TNFAIP8: variants seen among roughly 807,000 people sequenced by gnomAD.
TNFAIP8 encodes TNF alpha induced protein 8.
TNFAIP8 carries 7 observed loss-of-function variants against 13.3 expected under a neutral mutation model. The observed-to-expected ratio is 0.52, with a 90% CI of 0.30 to 0.99. The LOEUF (loss-of-function observed/expected upper bound fraction) is 0.99. Among genes scored for constraint, TNFAIP8 ranks in the 50% least tolerant of loss-of-function variants. TNFAIP8 has a pLI of 0.07. For synonymous variants in TNFAIP8, 94 were observed against 87.6 expected (o/e 1.07, Z -0.41); for missense variants, 258 against 236.9 (o/e 1.09, Z -0.58).
chr5:119,376,714 A>G (rs1752296266), intron 1 of TNFAIP8, among the ~76,000 whole-genome samples: 1 of 152,152 alleles, frequency 6.6e-6, no homozygotes, highest in Admixed American at 6.5e-5. Flanking sequence ...TACGGAAACA[A>G]AAGTATGATA....
chr5:119,303,051 T>G (rs2112655787), intron 1 of TNFAIP8, among the ~76,000 whole-genome samples: 1 of 152,236 alleles, frequency 6.6e-6, no homozygotes, highest in Admixed American at 6.5e-5. Context: ...TCCTCCCTGT[T>G]AGAAAGACTC....
chr5:119,344,333 A>G (rs1041955702), intron 1 of TNFAIP8, among the ~76,000 whole-genome samples: 7 of 152,178 alleles, frequency 4.6e-5, no homozygotes, highest in African/African-American at 1.7e-4. Flanking sequence ...GCATGAACTC[A>G]TAGAGCAAGG....
Position 119,393,336 on chromosome 5 carries a change from A to G in TNFAIP8, c.552A>G (p.Lys184=). 6.2e-7 allele frequency: 1 copy of G among 1,614,004 alleles called. No homozygotes were observed. Among genetic ancestry groups the G allele is most frequent in the Non-Finnish European group, 8.5e-7 (1 of 1,179,876 alleles). ...GGAATTTTAAACCCCACTTACAAAA[A>G]CTATGTGATGGTATCAACAAAATGT... ...PFGNFKPHLQ[K]LCDGINKMLD... The change falls in exon 2 of 2, where the codon AAA becomes AAG. Residue 184 remains lysine (K), a synonymous_variant. Transcript: ENST00000504771.
At chr5:119,338,779 TGG>T (rs1750641437) in intron 1 of TNFAIP8, among the ~76,000 whole-genome samples, 1 of 152,240 alleles carries the variant, frequency 6.6e-6, no homozygotes, top group African/African-American at 2.4e-5. Context: ...ATTTTTTTGT[TGG>T]CTCACATAAC....
intron 1 of TNFAIP8, among the ~76,000 whole-genome samples, chr5:119,361,943 A>C (rs1751651261): frequency 6.6e-6 from 1 of 152,074 alleles, no homozygotes; most frequent in Non-Finnish European, 1.5e-5. Flanking sequence ...CTGAGATAGC[A>C]CCTCCTCTGC....
intron 1 of TNFAIP8, among the ~76,000 whole-genome samples, chr5:119,331,148 C>T (rs1750365172): frequency 3.3e-5 from 5 of 152,108 alleles, no homozygotes; most frequent in Admixed American, 3.3e-4. Flanking sequence ...ATGTTGATCC[C>T]TGAACCTACC....
intron 1 of TNFAIP8, among the ~76,000 whole-genome samples, chr5:119,366,941 A>T (rs1461866079): frequency 3.3e-5 from 5 of 152,082 alleles, no homozygotes; most frequent in African/African-American, 1.2e-4. Flanking sequence ...ATGGGGAGGG[A>T]CATGAGGGAG....
chr5:119,292,099 A>T (rs1287450136), intron 1 of TNFAIP8, among the ~76,000 whole-genome samples: 1 of 152,198 alleles, frequency 6.6e-6, no homozygotes, highest in African/African-American at 2.4e-5. Context: ...AGAGTTCCCC[A>T]GTTCCCCAGA....
intron 1 of TNFAIP8, among the ~76,000 whole-genome samples, chr5:119,319,722 C>CTT (rs1227450694): frequency 6.6e-6 from 1 of 152,166 alleles, no homozygotes; most frequent in Non-Finnish European, 1.5e-5. Context: ...TTCTATTATG[C>CTT]TTGACAGTAC....
intron 1 of TNFAIP8, among the ~76,000 whole-genome samples, chr5:119,368,430 C>CGTGTGTGTGTGTGTGT (rs376615641): frequency 2.6e-4 from 34 of 133,086 alleles, no homozygotes; most frequent in Non-Finnish European, 5.0e-4. Context: ...TTCTAAGCAG[C>CGTGTGTGTGTGTGTGT]GTGTGTGTGT....
At chr5:119,330,998 T>C (rs1750359170) in intron 1 of TNFAIP8, among the ~76,000 whole-genome samples, 1 of 151,886 alleles carries the variant, frequency 6.6e-6, no homozygotes, top group South Asian at 2.1e-4. Flanking sequence ...CACAAATTGC[T>C]TTCACGAAGC....
intron 1 of TNFAIP8, chr5:119,306,273 C>T (rs935959015): frequency 6.6e-6 from 1 of 151,538 alleles, no homozygotes; most frequent in African/African-American, 2.4e-5. Flanking sequence ...TTCTTTGATC[C>T]TTGCTTTGCT....
intron 1 of TNFAIP8, among the ~76,000 whole-genome samples, chr5:119,297,969 C>G (rs1346756908): frequency 1.3e-5 from 2 of 152,270 alleles, no homozygotes; most frequent in Non-Finnish European, 2.9e-5. Context: ...GTAGATCTTC[C>G]TCCATCCTTT....
chr5:119,353,203 A>G (rs1751241662), upstream of TNFAIP8, among the ~76,000 whole-genome samples: 1 of 152,258 alleles, frequency 6.6e-6, no homozygotes, highest in African/African-American at 2.4e-5. Flanking sequence ...AAGAATCAAC[A>G]AGTCCCACCT....
At chr5:119,293,129 T>C (rs1170472625) in intron 1 of TNFAIP8, among the ~76,000 whole-genome samples, 1 of 152,174 alleles carries the variant, frequency 6.6e-6, no homozygotes, top group Non-Finnish European at 1.5e-5. Flanking sequence ...ATTTTTGATA[T>C]ATATGCATGT....
At position 119,345,494 on chromosome 5, in the gene TNFAIP8, T is replaced by C. The variant is rs116599810; in HGVS notation, c.2-47322T>C. On this transcript the variant is annotated intron_variant, in intron 1 of 1. Coordinates refer to the TNFAIP8 transcript ENST00000274456. Reference sequence around the variant, plus strand: ...AAGGATGTATAAACAAAATGTGATATACACATACAATGGAATATCACCCAG... The same window carrying C: ...AAGGATGTATAAACAAAATGTGATACACACATACAATGGAATATCACCCAG... Among the ~76,000 whole-genome samples the C allele has an allele frequency of 4.3e-3, 657 of 152,264 alleles. 8 individuals are homozygous for C. The highest frequency in any genetic ancestry group is 0.014 in the African/African-American group (601 of 41,542).
At chr5:119,322,989 G>A (rs62375111) in intron 1 of TNFAIP8, among the ~76,000 whole-genome samples, 31,541 of 152,118 alleles carry the variant, frequency 0.21, 3,990 homozygotes, top group Non-Finnish European at 0.28. Context: ...TAACTATCTC[G>A]AAACTTGGAA....
intron 1 of TNFAIP8, among the ~76,000 whole-genome samples, chr5:119,324,442 T>C (rs994407497): frequency 5.3e-5 from 8 of 152,090 alleles, no homozygotes; most frequent in African/African-American, 1.9e-4. Context: ...CAGAGGGGCC[T>C]CCAGTCACTG....
chr5:119,340,175 G>A (rs1339902819), intron 1 of TNFAIP8, among the ~76,000 whole-genome samples: 4 of 152,164 alleles, frequency 2.6e-5, no homozygotes, highest in African/African-American at 4.8e-5. Context: ...CTGGAGTATC[G>A]GATTCCAAAC....
Sources: allele counts gnomAD v4.1 joint callset (sites outside exome capture counted in the v4.1 genomes callset), GRCh38; gene constraint gnomAD v4.1.1; transcripts MANE v1.5; gene names NCBI Gene and HGNC (gene_info 2026-07-23, HGNC 2026-07-21).